Variants in REDIC1 observed in about 807,000 individuals in gnomAD.
The protein encoded by REDIC1 is HEI10 Interacting Protein 1.
the REDIC1 span, among the ~76,000 whole-genome samples, chr12:39,895,866 GCACACACA>G: frequency 0.28 from 33,094 of 117,178 alleles, 14,740 homozygotes; most frequent in East Asian, 0.59. Flanking sequence ...GCGTGTATAT[GCACACACA>G]TATGTATATG....
At chr12:39,760,589 C>T in the REDIC1 span, among the ~76,000 whole-genome samples, 1 of 151,952 alleles carries the variant, frequency 6.6e-6, no homozygotes, top group Non-Finnish European at 1.5e-5. Flanking sequence ...CCTAAAATAA[C>T]AACCAAGAAA....
At chr12:39,719,521 G>A in the REDIC1 span, among the ~76,000 whole-genome samples, 1 of 151,980 alleles carries the variant, frequency 6.6e-6, no homozygotes, top group Admixed American at 6.6e-5. Context: ...GGCTGAGGTG[G>A]GAGAATCACC....
At chr12:39,791,152 T>C in the REDIC1 span, among the ~76,000 whole-genome samples, 1 of 151,958 alleles carries the variant, frequency 6.6e-6, no homozygotes, top group South Asian at 2.1e-4. Context: ...TGCAAAAATT[T>C]TCTCCCATCA....
the REDIC1 span, among the ~76,000 whole-genome samples, chr12:39,902,060 G>T: frequency 6.6e-6 from 1 of 151,916 alleles, no homozygotes; most frequent in East Asian, 1.9e-4. Context: ...GATGAAATTG[G>T]AAACCATCAT....
At chr12:39,827,431 G>A in the REDIC1 span, among the ~76,000 whole-genome samples, 1 of 152,116 alleles carries the variant, frequency 6.6e-6, no homozygotes, top group African/African-American at 2.4e-5. Flanking sequence ...ACAGAGGCAA[G>A]GCCTGGAGCT....
At chr12:39,626,499 G>A in the REDIC1 span, 2 of 1,075,090 alleles carry the variant, frequency 1.9e-6, no homozygotes, top group Non-Finnish European at 2.7e-6. Flanking sequence ...AAATCGGGTT[G>A]GAGACTCTAG....
chr12:39,740,492 C>T, the REDIC1 span, among the ~76,000 whole-genome samples: 1 of 152,054 alleles, frequency 6.6e-6, no homozygotes, highest in South Asian at 2.1e-4. Context: ...AAACCATGTG[C>T]TGTAAATTTT....
chr12:39,641,558 C>T, the REDIC1 span, among the ~76,000 whole-genome samples: 26 of 151,598 alleles, frequency 1.7e-4, no homozygotes, highest in Middle Eastern at 3.4e-3. Context: ...CATCCATTAG[C>T]AGTAGAATAG....
At chr12:39,653,265 T>C in the REDIC1 span, among the ~76,000 whole-genome samples, 3 of 152,202 alleles carry the variant, frequency 2.0e-5, no homozygotes, top group South Asian at 2.1e-4. Context: ...TCCTAGTATT[T>C]TATTCTTTTT....
chr12:39,810,156 A>G, the REDIC1 span, among the ~76,000 whole-genome samples: 1 of 152,196 alleles, frequency 6.6e-6, no homozygotes, highest in African/African-American at 2.4e-5. Context: ...CATCTTAACC[A>G]TATTAAGTCT....
the REDIC1 span, among the ~76,000 whole-genome samples, chr12:39,733,069 GCA>G: frequency 1.5e-3 from 225 of 148,438 alleles, 1 homozygote; most frequent in Admixed American, 3.4e-3. Context: ...GCAGAAAAAT[GCA>G]CACACACACA....
At chr12:39,648,762 A>T in the REDIC1 span, among the ~76,000 whole-genome samples, 70 of 150,764 alleles carry the variant, frequency 4.6e-4, no homozygotes, top group African/African-American at 1.5e-3. Flanking sequence ...TCAGTTTATA[A>T]TTAATTTATA....
the REDIC1 span, among the ~76,000 whole-genome samples, chr12:39,664,501 G>A: frequency 7.2e-5 from 11 of 152,082 alleles, no homozygotes; most frequent in East Asian, 1.3e-3. Flanking sequence ...TTGGTTCCAC[G>A]TCTTTGCTAT....
the REDIC1 span, among the ~76,000 whole-genome samples, chr12:39,896,248 A>G: frequency 1.0e-5 from 1 of 100,494 alleles, no homozygotes; most frequent in South Asian, 2.9e-4. Flanking sequence ...ATATATGTAT[A>G]CATGTATGTA....
At chr12:39,668,800 C>A in the REDIC1 span, among the ~76,000 whole-genome samples, 5 of 151,768 alleles carry the variant, frequency 3.3e-5, no homozygotes, top group Non-Finnish European at 7.4e-5. Flanking sequence ...TCATTTCATT[C>A]GTTTGATCTT....
the REDIC1 span, among the ~76,000 whole-genome samples, chr12:39,656,437 C>A: frequency 6.6e-6 from 1 of 151,940 alleles, no homozygotes; most frequent in Non-Finnish European, 1.5e-5. Flanking sequence ...TATTAACAAA[C>A]CTGCCAGTCA....
the REDIC1 span, among the ~76,000 whole-genome samples, chr12:39,881,041 G>C: frequency 6.6e-6 from 1 of 152,178 alleles, no homozygotes; most frequent in African/African-American, 2.4e-5. Context: ...GTTTATGCCT[G>C]TCATTGTAAT....
chr12:39,837,893 G>A, the REDIC1 span, among the ~76,000 whole-genome samples: 3 of 150,890 alleles, frequency 2.0e-5, no homozygotes, highest in Non-Finnish European at 4.4e-5. Context: ...ACTGTTGGTG[G>A]GACTGTAAAC....
At chr12:39,896,329 T>TATATATGTATAC in the REDIC1 span, among the ~76,000 whole-genome samples, 27 of 142,418 alleles carry the variant, frequency 1.9e-4, no homozygotes, top group African/African-American at 7.0e-4. Context: ...TGTATATGTG[T>TATATATGTATAC]ATATATGTAT....
Sources: allele counts gnomAD v4.1 joint callset (sites outside exome capture counted in the v4.1 genomes callset), GRCh38; gene constraint gnomAD v4.1.1; transcripts MANE v1.5; gene names NCBI Gene and HGNC (gene_info 2026-07-23, HGNC 2026-07-21).